Variants in FOXRED1 observed in about 807,000 individuals in gnomAD.
FOXRED1 encodes the protein FAD-dependent oxidoreductase domain-containing protein 1.
A neutral mutation model predicts 57.8 loss-of-function variants in FOXRED1; 52 were observed. That is an observed-to-expected ratio of 0.90 (90% CI 0.72 to 1.13). The LOEUF (loss-of-function observed/expected upper bound fraction) is 1.13, where lower values mean the gene tolerates loss of function less well. FOXRED1 is among the 50% of genes most tolerant of loss of function. The pLI, the probability that FOXRED1 is intolerant of heterozygous loss-of-function variation, is 0.00. For synonymous variants in FOXRED1, 271 were observed against 248.3 expected, an observed-to-expected ratio of 1.09 and a Z score of -0.86; for missense variants, 589 against 625.2, an observed-to-expected ratio of 0.94 and a Z score of 0.62.
At position 126,271,876 on chromosome 11, in the gene FOXRED1, A is replaced by ATT; in HGVS notation, c.306+220_306+221insTT. On this transcript the variant is annotated intron_variant, in intron 2 of 10. Coordinates refer to ENST00000263578, the MANE Select transcript of FOXRED1 (RefSeq NM_017547.4). The surrounding 1 kb of genome is among the most constrained non-coding windows in gnomAD (Gnocchi z 5.3). Reference sequence around the variant, plus strand: ...ATAAGGTTTGTTCTTTTGAAAGCAGATATCACCATATTGGATTTTTCGAGA... The same window carrying ATT: ...ATAAGGTTTGTTCTTTTGAAAGCAGATTTATCACCATATTGGATTTTTCGAGA... 1 of 561,620 alleles carries ATT rather than the reference A, an allele frequency of 1.8e-6. No homozygotes were observed. The highest frequency in any genetic ancestry group is 1.9e-5 in the South Asian group (1 of 52,080). The allele number at this position is 561,620 out of a possible 1,614,324, so 34.8% of individuals were successfully genotyped here.
At position 126,277,039 on chromosome 11, in the gene FOXRED1, A is replaced by C; in HGVS notation, c.1102-32A>C. On this transcript the variant is annotated intron_variant, in intron 9 of 10. Transcript: ENST00000263578. This position sits in a 1 kb window ranked among gnomAD's most constrained non-coding sequence, Gnocchi z 6.8. The stretch of plus-strand genomic sequence containing the variant: ...CTGGGCCTGTCCTTGTGTCCCAGGC[A>C]ATGTAAGCGTTGTCCCCACCTCTCA... The C allele has an allele frequency of 7.6e-7, 1 of 1,309,220 alleles. No individual in the cohort carries two copies. The highest frequency in any genetic ancestry group is 1.1e-6 in the Non-Finnish European group (1 of 902,168). The allele number at this position is 1,309,220 out of a possible 1,614,324, so 81.1% of individuals were successfully genotyped here. A position where few individuals can be genotyped will look rare whatever the true frequency, so the allele number is the denominator to read the frequency against.
chr11:126,269,194 G>C lies in FOXRED1; in HGVS notation c.-13G>C. On this transcript the variant is annotated 5_prime_UTR_variant, in exon 1 of 11. Transcript: ENST00000263578. ...GCAGTGCAGCTTTCAGAGGGTCCGG[G>C]CTCAGAGGGGTTATGATTCGGAGGG... The C allele has an allele frequency of 6.2e-7, 1 of 1,603,174 alleles. No individual in the cohort carries two copies. Among genetic ancestry groups the C allele is most frequent in the Middle Eastern group, 1.8e-4 (1 of 5,406 alleles).
At chr11:126,276,013 G>C in intron 7 of FOXRED1, 46 bp from the exon 8 acceptor site, 1 of 1,611,698 alleles carries the variant, frequency 6.2e-7, no homozygotes, top group Non-Finnish European at 8.5e-7. Flanking sequence ...AGGGTGCCTG[G>C]TGTGTGGTCC....
chr11:126,275,161 C>T lies in FOXRED1; in HGVS notation c.631+140C>T, dbSNP rs1421286237. 5.0e-6 allele frequency: 4 copies of T among 805,804 alleles called. No individual in the cohort carries two copies. The highest frequency in any genetic ancestry group is 2.6e-5 in the East Asian group (1 of 38,166). The allele number at this position is 805,804 out of a possible 1,614,324, so 49.9% of individuals were successfully genotyped here. A position where few individuals can be genotyped will look rare whatever the true frequency, so the allele number is the denominator to read the frequency against. On this transcript the variant is annotated intron_variant, in intron 5 of 10. Transcript: ENST00000263578. The surrounding 1 kb of genome is among the most constrained non-coding windows in gnomAD (Gnocchi z 5.9). ...CTGTGTCACGGGAACTGCCCTGGGC[C>T]GTGGTAGTTCTCTGTCCTTCATCAG...
In FOXRED1 at chr11:126,272,261, C is replaced by T. The variant is rs1488849469; in HGVS notation, c.306+604C>T. 6.7e-6 allele frequency among the ~76,000 whole-genome samples: 1 copy of T among 149,884 alleles called. No homozygotes were observed. ...ACAGGCATGAGCCACCATTCCCAGC[C>T]CTCAACTTGCTTCTTTTGGGTCCCG... On this transcript the variant is annotated intron_variant, in intron 2 of 10. Transcript: ENST00000263578. The surrounding 1 kb of genome is among the most constrained non-coding windows in gnomAD (Gnocchi z 4.6).
In FOXRED1 at chr11:126,276,171, C is replaced by A; in HGVS notation, c.923C>A (p.Pro308Gln). ...IAALAGVGEGPPGTLQGTKLP... is the reference protein window; with the variant it reads ...IAALAGVGEGQPGTLQGTKLP... ...GCACTGGCTGGTGTTGGAGAGGGGC[C>A]GCCTGGCACCCTGCAGGGCACCAAG... The change falls in exon 8 of 11, where the codon CCG becomes CAG. Residue 308 changes from proline to glutamine, a missense_variant. Physicochemically the swap from Pro to Gln is moderately conservative, Grantham distance 76 (BLOSUM62 -1). Transcript: ENST00000263578. 6.2e-7 allele frequency: 1 copy of A among 1,609,394 alleles called. No individual in the cohort carries two copies. The highest frequency in any genetic ancestry group is 1.7e-4 in the Middle Eastern group (1 of 6,032).
In FOXRED1 at chr11:126,276,043, C is replaced by T. The variant is rs772938167; in HGVS notation, c.811-16C>T. On this transcript the variant is annotated splice_polypyrimidine_tract_variant and intron_variant, in intron 7 of 10. Coordinates refer to ENST00000263578, the MANE Select transcript of FOXRED1 (RefSeq NM_017547.4). The stretch of plus-strand genomic sequence containing the variant: ...TGGTCCGGGCCTTCCCACTCCTCAC[C>T]CTCTGGTGTCTGCAGGTGAAGATGG... 6.2e-7 allele frequency: 1 copy of T among 1,612,902 alleles called. No individual in the cohort carries two copies. Among genetic ancestry groups the T allele is most frequent in the Non-Finnish European group, 8.5e-7 (1 of 1,179,998 alleles).
rs112855709 is a variant in FOXRED1 at position 126,273,289 on chromosome 11, T to C, written c.418-47T>C. 1.3e-5 allele frequency: 19 copies of C among 1,428,764 alleles called. No individual in the cohort carries two copies. Among genetic ancestry groups the C allele is most frequent in the Middle Eastern group, 3.5e-4 (2 of 5,734 alleles). The allele number at this position is 1,428,764 out of a possible 1,614,324, so 88.5% of individuals were successfully genotyped here. On this transcript the variant is annotated intron_variant, in intron 3 of 10. Transcript: ENST00000263578. This position sits in a 1 kb window ranked among gnomAD's most constrained non-coding sequence, Gnocchi z 5.9. The stretch of plus-strand genomic sequence containing the variant: ...GGGAAGAAGGCAGGAAAACTCTTTC[T>C]GGCATCCTTAAGTCAGTTTCTTTCA...
In FOXRED1 at chr11:126,274,683, G is replaced by C. The variant is rs145250540; in HGVS notation, c.537-244G>C. 5.6e-6 allele frequency: 3 copies of C among 537,486 alleles called. No homozygotes were observed. The East Asian group carries it at 1.0e-4, about 18-fold the overall frequency. 33.3% of individuals were successfully genotyped at this position (537,486 alleles called of 1,614,324 possible). Reference sequence around the variant, plus strand: ...AGAAGTCATGGAATAGACTGGGATAGCAGGGAGCTCTGTGTGCTGAAGGGA... The same window carrying C: ...AGAAGTCATGGAATAGACTGGGATACCAGGGAGCTCTGTGTGCTGAAGGGA... On this transcript the variant is annotated intron_variant, in intron 4 of 10. Transcript: ENST00000263578. The surrounding 1 kb of genome is among the most constrained non-coding windows in gnomAD (Gnocchi z 4.8).
At chr11:126,276,303 GT>G (rs1448975363) in intron 8 of FOXRED1, 84 bp downstream of exon 8, 7 of 1,395,632 alleles carry the variant, frequency 5.0e-6, no homozygotes, top group East Asian at 2.6e-5. Flanking sequence ...GTGTGTGTGT[GT>G]GTGTGTGTGT....
At position 126,273,611 on chromosome 11, in the gene FOXRED1, C is replaced by G; in HGVS notation, c.536+157C>G. ...AAGAAAATACACAGACCTGCAATGC[C>G]CTGGGAGTGCTGTACCACAGATATG... On this transcript the variant is annotated intron_variant, in intron 4 of 10. Coordinates refer to ENST00000263578, the MANE Select transcript of FOXRED1 (RefSeq NM_017547.4). This position sits in a 1 kb window ranked among gnomAD's most constrained non-coding sequence, Gnocchi z 5.9. 1.5e-6 allele frequency: 1 copy of G among 686,960 alleles called. No individual in the cohort carries two copies. The highest frequency in any genetic ancestry group is 2.7e-6 in the Non-Finnish European group (1 of 374,452). The allele number at this position is 686,960 out of a possible 1,614,324, so 42.6% of individuals were successfully genotyped here. A position where few individuals can be genotyped will look rare whatever the true frequency, so the allele number is the denominator to read the frequency against.
Position 126,277,793 on chromosome 11 carries a change from C to A in FOXRED1, c.*104C>A, listed in dbSNP as rs547434222. On this transcript the variant is annotated 3_prime_UTR_variant, in exon 11 of 11. Coordinates refer to ENST00000263578, the MANE Select transcript of FOXRED1 (RefSeq NM_017547.4). The surrounding 1 kb of genome is among the most constrained non-coding windows in gnomAD (Gnocchi z 6.8). ...CAGTACTGTGCCAGGCCTTCTCCCC[C>A]TCCCCAGTGTCCTCTCCTCTCAGGC... 4 of 1,280,318 alleles carry A rather than the reference C, an allele frequency of 3.1e-6. No individual in the cohort carries two copies. The East Asian group carries it at 9.2e-5, about 30-fold the overall frequency. 79.3% of individuals were successfully genotyped at this position (1,280,318 alleles called of 1,614,324 possible).
At position 126,275,270 on chromosome 11, in the gene FOXRED1, C is replaced by T. The variant is rs1026605392; in HGVS notation, c.632-57C>T. ...GAGGGGTTGGGGGGCACAGGAAATA[C>T]AATCCAAGAGCAGAAGTCCTCATCC... is the stretch of plus-strand genomic sequence containing the variant. On this transcript the variant is annotated intron_variant, in intron 5 of 10. Coordinates refer to ENST00000263578, the MANE Select transcript of FOXRED1 (RefSeq NM_017547.4). This position sits in a 1 kb window ranked among gnomAD's most constrained non-coding sequence, Gnocchi z 5.9. The T allele has an allele frequency of 2.3e-6, 3 of 1,304,394 alleles. No homozygotes were observed. Among genetic ancestry groups the T allele is most frequent in the East Asian group, 2.3e-5 (1 of 43,506 alleles). 80.8% of individuals were successfully genotyped at this position (1,304,394 alleles called of 1,614,324 possible).
In FOXRED1 at chr11:126,271,612, C is replaced by T; in HGVS notation, c.261C>T (p.Ser87=). The T allele has an allele frequency of 6.2e-7, 1 of 1,614,154 alleles. No homozygotes were observed. The highest frequency in any genetic ancestry group is 8.5e-7 in the Non-Finnish European group (1 of 1,180,042). Reference sequence around the variant, plus strand: ...CCTATTGGCTGAAGAAGCTGGAGAGCAGACGAGGTGCTATTCGAGTGCTAG... The same window carrying T: ...CCTATTGGCTGAAGAAGCTGGAGAGTAGACGAGGTGCTATTCGAGTGCTAG... ...SVAYWLKKLE[S]RRGAIRVLVV... is the part of the protein sequence containing the mutation. The change falls in exon 2 of 11, where the codon AGC becomes AGT. Residue 87 remains serine, a synonymous_variant. Coordinates refer to ENST00000263578, the MANE Select transcript of FOXRED1 (RefSeq NM_017547.4). The surrounding 1 kb of genome is among the most constrained non-coding windows in gnomAD (Gnocchi z 5.3).
rs768346104 is a variant in FOXRED1 at position 126,272,517 on chromosome 11, C to G, written c.307-452C>G. On this transcript the variant is annotated intron_variant, in intron 2 of 10. Transcript: ENST00000263578. The surrounding 1 kb of genome is among the most constrained non-coding windows in gnomAD (Gnocchi z 4.6). ...CACGTTGCCCAGCTGGTCTCAGATTCCTGAACTCAAGCAATCAGCCCGCCT... is the reference window on the plus strand; with the variant it reads ...CACGTTGCCCAGCTGGTCTCAGATTGCTGAACTCAAGCAATCAGCCCGCCT... 6 of 245,426 alleles carry G rather than the reference C, an allele frequency of 2.4e-5. No individual in the cohort carries two copies. The highest frequency in any genetic ancestry group is 4.0e-5 in the Non-Finnish European group (5 of 123,870). The allele number at this position is 245,426 out of a possible 1,614,324, so 15.2% of individuals were successfully genotyped here.
rs551718263 is a variant in FOXRED1 at position 126,271,378 on chromosome 11, A to AC, written c.86-53dup. 6.6e-4 allele frequency: 852 copies of AC among 1,299,142 alleles called. 7 individuals carry two copies. The African/African-American group carries it at 9.6e-3, about 15-fold the overall frequency. The allele number at this position is 1,299,142 out of a possible 1,614,324, so 80.5% of individuals were successfully genotyped here. Reference sequence around the variant, plus strand: ...CACCTTTTCCTGTGCCCATCCTCCAACCCCCCAACCATGTGGGAAGGAAAT... The same window carrying AC: ...CACCTTTTCCTGTGCCCATCCTCCAACCCCCCCAACCATGTGGGAAGGAAAT... On this transcript the variant is annotated intron_variant, in intron 1 of 10. Coordinates refer to ENST00000263578, the MANE Select transcript of FOXRED1 (RefSeq NM_017547.4). This position sits in a 1 kb window ranked among gnomAD's most constrained non-coding sequence, Gnocchi z 5.3.
rs1056638868 is a variant in FOXRED1, at chr11:126,276,228, C to T, written c.971+9C>T. 3 of 1,316,608 alleles carry T rather than the reference C, an allele frequency of 2.3e-6. No individual in the cohort carries two copies. The African/African-American group carries it at 7.7e-5, about 34-fold the overall frequency. The allele number at this position is 1,316,608 out of a possible 1,614,324, so 81.6% of individuals were successfully genotyped here. A position where few individuals can be genotyped will look rare whatever the true frequency, so the allele number is the denominator to read the frequency against. On this transcript the variant is annotated intron_variant, in intron 8 of 10. Transcript: ENST00000263578. The stretch of plus-strand genomic sequence containing the variant: ...GTGGAGCCGAGGAAAAGGTAACTGC[C>T]CTCCGGACAGCTGAGGAGGTTGGTG...
chr11:126,277,372 GGGAGTGAGGAT>G lies in FOXRED1; in HGVS notation c.1207-56_1207-46del, dbSNP rs1250390579. On this transcript the variant is annotated intron_variant, in intron 10 of 10. Transcript: ENST00000263578. The surrounding 1 kb of genome is among the most constrained non-coding windows in gnomAD (Gnocchi z 6.8). ...AGGGTACTCTGTGCTGAGCCCTGAG[GGGAGTGAGGAT>G]GGAGTGTGGCTACAGCCTTCCCGAG... 1.3e-5 allele frequency: 21 copies of G among 1,592,868 alleles called. No individual in the cohort carries two copies. The highest frequency in any genetic ancestry group is 9.5e-6 in the Non-Finnish European group (11 of 1,162,408).
At position 126,277,034 on chromosome 11, in the gene FOXRED1, C is replaced by A; in HGVS notation, c.1102-37C>A. 1 of 1,277,210 alleles carries A rather than the reference C, an allele frequency of 7.8e-7. No homozygotes were observed. The highest frequency in any genetic ancestry group is 1.1e-6 in the Non-Finnish European group (1 of 872,858). The allele number at this position is 1,277,210 out of a possible 1,614,324, so 79.1% of individuals were successfully genotyped here. A position where few individuals can be genotyped will look rare whatever the true frequency, so the allele number is the denominator to read the frequency against. ...CAAGTCTGGGCCTGTCCTTGTGTCC[C>A]AGGCAATGTAAGCGTTGTCCCCACC... On this transcript the variant is annotated intron_variant, in intron 9 of 10. Coordinates refer to ENST00000263578, the MANE Select transcript of FOXRED1 (RefSeq NM_017547.4). This position sits in a 1 kb window ranked among gnomAD's most constrained non-coding sequence, Gnocchi z 6.8.
Sources: allele counts gnomAD v4.1 joint callset (sites outside exome capture counted in the v4.1 genomes callset), GRCh38; gene constraint gnomAD v4.1.1; non-coding constraint Gnocchi (gnomAD v3.1); transcripts MANE v1.5; gene names NCBI Gene and HGNC (gene_info 2026-07-23, HGNC 2026-07-21).